CCAR2: variants seen among roughly 807,000 people sequenced by gnomAD.
CCAR2 encodes cell cycle and apoptosis regulator 2.
In CCAR2, 21 loss-of-function variants were observed where a neutral mutation model predicts 108.1. The ratio of observed to expected loss-of-function variants is 0.19; its 90% CI spans 0.14 to 0.28. The LOEUF (loss-of-function observed/expected upper bound fraction) is 0.28, where lower values mean the gene tolerates loss of function less well. Among genes scored for constraint, CCAR2 ranks in the 10% least tolerant of loss-of-function variants. The pLI, the probability that CCAR2 is intolerant of heterozygous loss-of-function variation, is 1.00. For missense variants in CCAR2, 1,126 were observed against 1,177.0 expected (o/e 0.96, Z 0.63); for synonymous variants, 577 against 472.8 (o/e 1.22, Z -2.86).
chr8:22,617,223 A>C (rs1347522356), intron 14 of CCAR2, among the ~76,000 whole-genome samples, 197 bp from the exon 15 acceptor site: 2 of 152,114 alleles, frequency 1.3e-5, no homozygotes, highest in African/African-American at 4.8e-5. Flanking sequence ...TGAGGAAAAA[A>C]GCCCAGGTGT....
At chr8:22,607,473 T>G in intron 6 of CCAR2, 148 bp downstream of exon 6, 2 of 868,156 alleles carry the variant, frequency 2.3e-6, no homozygotes, top group African/African-American at 1.8e-5. Flanking sequence ...TAGGGTTTTT[T>G]TTTTTTTTTT....
chr8:22,612,892 C>T, intron 7 of CCAR2, 125 bp from the exon 8 acceptor site: 2 of 1,024,758 alleles, frequency 2.0e-6, no homozygotes, highest in South Asian at 1.7e-5. Context: ...TGGCTGTTAG[C>T]ATGGATTCTT....
At chr8:22,613,462 A>G (rs1009428318) in intron 8 of CCAR2, among the ~76,000 whole-genome samples, 6 of 151,492 alleles carry the variant, frequency 4.0e-5, no homozygotes, top group Non-Finnish European at 7.4e-5. Context: ...TTTTCTTGGA[A>G]TGAACATCCT....
chr8:22,611,386 A>G (rs866314707), intron 7 of CCAR2, among the ~76,000 whole-genome samples: 12 of 9,030 alleles, frequency 1.3e-3, no homozygotes, highest in South Asian at 5.9e-3. Context: ...AAAAGTATAT[A>G]TATGTGTGTG....
chr8:22,605,552 G>A lies in CCAR2; in HGVS notation c.-38-184G>A, dbSNP rs1801036684. 1.0e-5 allele frequency: 6 copies of A among 582,042 alleles called. 1 individual carries two copies. In the South Asian group the frequency reaches 1.1e-4, roughly 10 times the overall value. 36.1% of individuals were successfully genotyped at this position (582,042 alleles called of 1,614,324 possible). Reference sequence around the variant, plus strand: ...CACTAGGTTATTGTCAGGGCAAACTGGAACAATGTAATTTCTTGTTTCATT... The same window carrying A: ...CACTAGGTTATTGTCAGGGCAAACTAGAACAATGTAATTTCTTGTTTCATT... On this transcript the variant is annotated intron_variant, in intron 1 of 20. Coordinates refer to ENST00000308511, the MANE Select transcript of CCAR2 (RefSeq NM_001393997.1).
At position 22,606,502 on chromosome 8, in the gene CCAR2, C is replaced by T. The variant is rs890485087; in HGVS notation, c.151-105C>T. The T allele has an allele frequency of 6.2e-5, 53 of 852,578 alleles. No individual in the cohort carries two copies. In the Admixed American group the frequency reaches 1.0e-3, roughly 17 times the overall value. The allele number at this position is 852,578 out of a possible 1,614,324, so 52.8% of individuals were successfully genotyped here. ...CTTCACTCTGTGCGAACTCTTGATG[C>T]AGTACGCTGAGCTGGGGCGTGGGTT... On this transcript the variant is annotated intron_variant, in intron 3 of 20. Transcript: ENST00000308511.
chr8:22,610,142 ATAT>A (rs1279091398), intron 7 of CCAR2, among the ~76,000 whole-genome samples: 2 of 152,094 alleles, frequency 1.3e-5, no homozygotes, highest in African/African-American at 2.4e-5. Flanking sequence ...TGGGAGGGAG[ATAT>A]TATATTACCA....
At chr8:22,607,085 G>C (rs1307972398) in intron 5 of CCAR2, 61 bp downstream of exon 5, 2 of 1,609,496 alleles carry the variant, frequency 1.2e-6, no homozygotes, top group African/African-American at 1.3e-5. Flanking sequence ...CCTGTGCCCT[G>C]ACAGCTGGGC....
intron 8 of CCAR2, among the ~76,000 whole-genome samples, chr8:22,613,501 T>C (rs996039027): frequency 6.6e-6 from 1 of 152,312 alleles, no homozygotes; most frequent in Admixed American, 6.5e-5. Context: ...TTTGTTGCGA[T>C]CAATTTCTAG....
chr8:22,605,227 GGA>G (rs796561329), intron 1 of CCAR2: 2 of 183,672 alleles, frequency 1.1e-5, no homozygotes, highest in Admixed American at 1.3e-4. Flanking sequence ...GGGCTTCCGG[GGA>G]GAGGGCCCAC....
At chr8:22,614,615 C>G in intron 10 of CCAR2, 112 bp downstream of exon 10, 2 of 1,094,568 alleles carry the variant, frequency 1.8e-6, no homozygotes, top group Non-Finnish European at 2.7e-6. Context: ...ATCTCAGAGC[C>G]GAACACCCCT....
intron 7 of CCAR2, among the ~76,000 whole-genome samples, chr8:22,612,519 G>A (rs1801325435): frequency 6.6e-6 from 1 of 151,994 alleles, no homozygotes; most frequent in Non-Finnish European, 1.5e-5. Flanking sequence ...GCCCGCCTTG[G>A]CCTCCCAAAG....
chr8:22,608,582 G>T (rs1391988732), intron 7 of CCAR2, among the ~76,000 whole-genome samples: 1 of 152,194 alleles, frequency 6.6e-6, no homozygotes, highest in African/African-American at 2.4e-5. Context: ...AGCCATGTGT[G>T]GAGCAAGCAT....
At chr8:22,611,404 G>GTGTGTGTGTGTGTGTGTGTGTA (rs1427803187) in intron 7 of CCAR2, among the ~76,000 whole-genome samples, 25 of 105,304 alleles carry the variant, frequency 2.4e-4, no homozygotes, top group African/African-American at 8.6e-4. Flanking sequence ...GTGTGTGTGT[G>GTGTGTGTGTGTGTGTGTGTGTA]TATGTGTGTG....
rs1801112508 is a variant in CCAR2, at chr8:22,607,274, C to T, written c.436C>T (p.Pro146Ser). ...GQKQGILGAQ[P>S]QLIFQPHRIP... Reference sequence around the variant, plus strand: ...GAAGCAAGGGATCCTGGGAGCTCAGCCTCAGTTGATCTTCCAGCCTCACCG... The same window carrying T: ...GAAGCAAGGGATCCTGGGAGCTCAGTCTCAGTTGATCTTCCAGCCTCACCG... The change falls in exon 6 of 21, where the codon CCT becomes TCT. Residue 146 changes from proline (P) to serine (S), a missense_variant. Physicochemically the swap from Pro to Ser is moderately conservative, Grantham distance 74. Coordinates refer to ENST00000308511, the MANE Select transcript of CCAR2 (RefSeq NM_001393997.1). The T allele has an allele frequency of 1.2e-6, 2 of 1,613,726 alleles. No individual in the cohort carries two copies. The highest frequency in any genetic ancestry group is 8.5e-7 in the Non-Finnish European group (1 of 1,180,032).
chr8:22,611,418 ATATG>A (rs1195586087), intron 7 of CCAR2, among the ~76,000 whole-genome samples: 1,212 of 103,218 alleles, frequency 0.012, 16 homozygotes, highest in African/African-American at 0.044. Context: ...GTGTGTGTAT[ATATG>A]TGTGTATATA....
In CCAR2 at chr8:22,615,696, T is replaced by G. The variant is rs767456364; in HGVS notation, c.1392T>G (p.Thr464=). The G allele has an allele frequency of 6.2e-7, 1 of 1,613,594 alleles. No homozygotes were observed. Among genetic ancestry groups the G allele is most frequent in the South Asian group, 1.1e-5 (1 of 91,086 alleles). The stretch of plus-strand genomic sequence containing the variant: ...TGTTGTCACAGGAAACGGAGCCTAC[T>G]GAACAGGCACCTGATGCCTTGGAGC... ...TQEAQGETEP[T]EQAPDALEQA... Residue 464 remains threonine (T), a synonymous_variant, in exon 13 of 21, where the codon ACT becomes ACG. Coordinates refer to ENST00000308511, the MANE Select transcript of CCAR2 (RefSeq NM_001393997.1).
At chr8:22,617,936 G>C (rs1282463356) in intron 16 of CCAR2, among the ~76,000 whole-genome samples, 158 bp downstream of exon 16, 1 of 152,192 alleles carries the variant, frequency 6.6e-6, no homozygotes, top group Non-Finnish European at 1.5e-5. Context: ...ACGTTCATAG[G>C]CTCCAGGAGA....
rs753345065 is a variant in CCAR2, at chr8:22,617,785, C to A, written c.2073+7C>A. 40 of 1,612,748 alleles carry A rather than the reference C, an allele frequency of 2.5e-5. No individual in the cohort carries two copies. Among genetic ancestry groups the A allele is most frequent in the Non-Finnish European group, 2.8e-5 (33 of 1,179,858 alleles). On this transcript the variant is annotated splice_region_variant and intron_variant, in intron 16 of 20. Coordinates refer to ENST00000308511, the MANE Select transcript of CCAR2 (RefSeq NM_001393997.1). ...CTCTTCACTTCAGGACATGGTGAGG[C>A]CTCTTCTCGACCACTCTGGGTCTCA...
Sources: allele counts gnomAD v4.1 joint callset (sites outside exome capture counted in the v4.1 genomes callset), GRCh38; gene constraint gnomAD v4.1.1; transcripts MANE v1.5; gene names NCBI Gene and HGNC (gene_info 2026-07-23, HGNC 2026-07-21).